Variants in LRP1B observed in about 807,000 individuals in gnomAD.
LRP1B encodes low-density lipoprotein receptor-related protein 1B.
Under a neutral mutation model 556.6 loss-of-function variants are expected in LRP1B, and 217 were observed. The observed-to-expected ratio is 0.39, with a 90% CI of 0.35 to 0.44. The LOEUF (loss-of-function observed/expected upper bound fraction) is 0.44, where lower values mean the gene tolerates loss of function less well. LRP1B is among the 20% of genes least tolerant of loss of function. The probability of loss-of-function intolerance (pLI) is 1.00; values close to 1 mark genes in which losing one functional copy is unlikely to be tolerated. For synonymous variants in LRP1B, 2,047 were observed against 1,865.8 expected, an observed-to-expected ratio of 1.10 and a Z score of -2.50; for missense variants, 5,053 against 5,620.8, an observed-to-expected ratio of 0.90 and a Z score of 3.23.
rs1453348271 is a variant in LRP1B at position 142,118,477 on chromosome 2, G to A, written c.82+12171C>T. Among the ~76,000 whole-genome samples the A allele has an allele frequency of 5.3e-5, 8 of 152,080 alleles. No individual in the cohort carries two copies. The East Asian group carries it at 5.8e-4, about 11-fold the overall frequency. ...CAGCAGGTTTATGGTCTGTTCCAAC[G>A]GGTCAACATTTTCTGCCCAAATGAC... On this transcript the variant is annotated intron_variant, in intron 1 of 90. Coordinates refer to ENST00000389484, the MANE Select transcript of LRP1B (RefSeq NM_018557.3).
chr2:141,212,582 C>CA (rs891992780), intron 6 of LRP1B, among the ~76,000 whole-genome samples: 1 of 151,462 alleles, frequency 6.6e-6, no homozygotes, highest in African/African-American at 2.4e-5. Flanking sequence ...CCATGCCGGC[C>CA]AAAAAGTCTA....
intron 41 of LRP1B, among the ~76,000 whole-genome samples, chr2:140,672,197 G>A (rs1006352286): frequency 2.0e-5 from 3 of 151,992 alleles, no homozygotes. Context: ...AGGATAAAAT[G>A]AGTCACCAGG....
At chr2:140,446,518 T>C (rs1686666121) in intron 63 of LRP1B, among the ~76,000 whole-genome samples, 1 of 152,104 alleles carries the variant, frequency 6.6e-6, no homozygotes, top group Non-Finnish European at 1.5e-5. Context: ...TCTGCAGGTA[T>C]TGATGATGCA....
intron 4 of LRP1B, among the ~76,000 whole-genome samples, chr2:141,250,269 C>T (rs1328335843): frequency 6.6e-6 from 1 of 152,122 alleles, no homozygotes; most frequent in Admixed American, 6.6e-5. Context: ...GGTGGGGCCC[C>T]TAGGTAGTCT....
At chr2:142,038,599 G>T (rs187539983) in intron 1 of LRP1B, among the ~76,000 whole-genome samples, 3 of 151,672 alleles carry the variant, frequency 2.0e-5, no homozygotes, top group Non-Finnish European at 4.4e-5. Context: ...CATGGGAGGG[G>T]TGGTTCTTAG....
rs771108754 is a variant in LRP1B, at chr2:141,247,367, A to G, written c.464-13T>C. On this transcript the variant is annotated splice_polypyrimidine_tract_variant and intron_variant, in intron 4 of 90. Transcript: ENST00000389484. Reference sequence around the variant, plus strand: ...CATTCATCTTGATCTAAAAAGGAAAATTGGCATCATTTCTAAGCAGCTTTA... The same window carrying G: ...CATTCATCTTGATCTAAAAAGGAAAGTTGGCATCATTTCTAAGCAGCTTTA... 2 of 1,612,698 alleles carry G rather than the reference A, an allele frequency of 1.2e-6. No individual in the cohort carries two copies. The highest frequency in any genetic ancestry group is 2.7e-5 in the African/African-American group (2 of 74,876).
At chr2:141,430,005 T>G (rs548853756) in intron 3 of LRP1B, among the ~76,000 whole-genome samples, 35 of 152,350 alleles carry the variant, frequency 2.3e-4, no homozygotes, top group Non-Finnish European at 5.9e-5. Flanking sequence ...CTTTTACTTA[T>G]ATTTCTCTCT....
intron 3 of LRP1B, among the ~76,000 whole-genome samples, chr2:141,257,676 C>T (rs145925469): frequency 0.01 from 1,575 of 152,140 alleles, 25 homozygotes; most frequent in Non-Finnish European, 0.012. Flanking sequence ...ACTTATCCTG[C>T]GTGAGGATTT....
At chr2:140,952,105 A>G (rs1695733970) in intron 18 of LRP1B, among the ~76,000 whole-genome samples, 165 bp from the exon 19 acceptor site, 1 of 152,222 alleles carries the variant, frequency 6.6e-6, no homozygotes, top group Non-Finnish European at 1.5e-5. Flanking sequence ...TTGAGGACAT[A>G]GGACACACAT....
chr2:140,323,337 A>G (rs1272496444), intron 81 of LRP1B, among the ~76,000 whole-genome samples: 2 of 151,986 alleles, frequency 1.3e-5, no homozygotes, highest in Non-Finnish European at 2.9e-5. Flanking sequence ...GTCATATACA[A>G]TAAATCAGAG....
chr2:141,733,219 T>C (rs929955487), intron 2 of LRP1B, among the ~76,000 whole-genome samples: 21 of 152,166 alleles, frequency 1.4e-4, no homozygotes, highest in African/African-American at 4.8e-4. Flanking sequence ...TTTTCTTCTA[T>C]GGCAAGAGAA....
intron 31 of LRP1B, among the ~76,000 whole-genome samples, chr2:140,815,883 T>G (rs1691104388): frequency 7.1e-6 from 1 of 140,806 alleles, no homozygotes; most frequent in Non-Finnish European, 1.6e-5. Flanking sequence ...TTTTTTTTTT[T>G]GGATCTGAGT....
chr2:140,384,487 CT>C (rs1182862616), intron 67 of LRP1B, among the ~76,000 whole-genome samples: 2 of 152,126 alleles, frequency 1.3e-5, no homozygotes, highest in African/African-American at 4.8e-5. Flanking sequence ...CTGCAATGCT[CT>C]TTATCTTTCT....
chr2:140,723,242 C>A (rs950138667), intron 35 of LRP1B, among the ~76,000 whole-genome samples: 11 of 151,966 alleles, frequency 7.2e-5, no homozygotes, highest in African/African-American at 2.7e-4. Context: ...GTCCTTTGGT[C>A]TGAGAATCTG....
chr2:140,894,691 G>C (rs1693898724), intron 23 of LRP1B, among the ~76,000 whole-genome samples: 1 of 152,116 alleles, frequency 6.6e-6, no homozygotes, highest in Non-Finnish European at 1.5e-5. Context: ...GCTTACACCT[G>C]TAATCCCAGC....
chr2:140,658,154 T>C (rs961661033), intron 41 of LRP1B, among the ~76,000 whole-genome samples: 2 of 152,090 alleles, frequency 1.3e-5, no homozygotes, highest in African/African-American at 4.8e-5. Flanking sequence ...CAAATTTCAG[T>C]TGGTTAACAT....
chr2:141,408,395 C>T (rs1477178705), intron 3 of LRP1B, among the ~76,000 whole-genome samples: 1 of 152,014 alleles, frequency 6.6e-6, no homozygotes, highest in Non-Finnish European at 1.5e-5. Context: ...CTGACCGCCT[C>T]GGCCTCCCAA....
chr2:141,923,488 A>G (rs866393284), intron 1 of LRP1B, among the ~76,000 whole-genome samples: 14 of 45,330 alleles, frequency 3.1e-4, no homozygotes, highest in Admixed American at 7.0e-4. Flanking sequence ...GTGTGTGTGT[A>G]GAGAGAGGGA....
chr2:140,939,408 A>T (rs1405678816), intron 20 of LRP1B, among the ~76,000 whole-genome samples: 1 of 150,992 alleles, frequency 6.6e-6, no homozygotes, highest in African/African-American at 2.4e-5. Context: ...GTGAGTATGT[A>T]TATTAATCAT....
Sources: allele counts gnomAD v4.1 joint callset (sites outside exome capture counted in the v4.1 genomes callset), GRCh38; gene constraint gnomAD v4.1.1; transcripts MANE v1.5; gene names NCBI Gene and HGNC (gene_info 2026-07-23, HGNC 2026-07-21).